RBMS2: variants seen among roughly 807,000 people sequenced by gnomAD.
RBMS2 encodes the protein RNA binding motif single stranded interacting protein 2.
RBMS2 carries 38 observed loss-of-function variants against 58.4 expected under a neutral mutation model. The ratio of observed to expected loss-of-function variants is 0.65; its 90% CI spans 0.50 to 0.85. The LOEUF (loss-of-function observed/expected upper bound fraction) is 0.85, where lower values mean the gene tolerates loss of function less well. RBMS2 is among the 40% of genes least tolerant of loss of function. The pLI, the probability that RBMS2 is intolerant of heterozygous loss-of-function variation, is 0.00. For synonymous variants in RBMS2, 151 were observed against 180.7 expected (o/e 0.84, Z 1.32); for missense variants, 367 against 503.7 (o/e 0.73, Z 2.60).
chr12:56,534,138 T>G (rs1308099330), intron 1 of RBMS2, among the ~76,000 whole-genome samples: 1 of 152,158 alleles, frequency 6.6e-6, no homozygotes, highest in African/African-American at 2.4e-5. Context: ...TTTTTTTACC[T>G]TCAGTTTTGT....
At chr12:56,578,386 C>G (rs1271010426) in intron 5 of RBMS2, among the ~76,000 whole-genome samples, 1 of 152,060 alleles carries the variant, frequency 6.6e-6, no homozygotes. Flanking sequence ...AACTCGGTTT[C>G]CCAAAGTGCT....
chr12:56,536,724 T>C (rs963425672), intron 1 of RBMS2, among the ~76,000 whole-genome samples: 1 of 150,706 alleles, frequency 6.6e-6, no homozygotes, highest in African/African-American at 2.4e-5. Flanking sequence ...TTTGCCACCA[T>C]GCCTGGCTAA....
chr12:56,559,444 C>T (rs1879942376), intron 1 of RBMS2, among the ~76,000 whole-genome samples: 1 of 151,428 alleles, frequency 6.6e-6, no homozygotes, highest in Admixed American at 6.6e-5. Context: ...CCTCGGCCTC[C>T]CAAAGTGCTG....
At position 56,588,390 on chromosome 12, in the gene RBMS2, T is replaced by C. The variant is rs757958699; in HGVS notation, c.1143+16T>C. 4.4e-6 allele frequency: 7 copies of C among 1,596,496 alleles called. No homozygotes were observed. The highest frequency in any genetic ancestry group is 5.2e-6 in the Non-Finnish European group (6 of 1,164,440). Reference sequence around the variant, plus strand: ...TTCAGTCGAGGTAAGGGTGTTATCATTTCTTTGGATTGAGATTAGGAAAAT... The same window carrying C: ...TTCAGTCGAGGTAAGGGTGTTATCACTTCTTTGGATTGAGATTAGGAAAAT... On this transcript the variant is annotated intron_variant, in intron 12 of 13. Coordinates refer to ENST00000262031, the MANE Select transcript of RBMS2 (RefSeq NM_002898.4).
At chr12:56,582,913 G>A (rs1205183948) in intron 9 of RBMS2, among the ~76,000 whole-genome samples, 5 of 152,024 alleles carry the variant, frequency 3.3e-5, no homozygotes, top group South Asian at 2.1e-4. Flanking sequence ...CAGGTGATCC[G>A]CCCGCCTCGG....
rs925964532 is a variant in RBMS2 at position 56,526,616 on chromosome 12, GTTTTTT to G, written c.66+4535_66+4540del. On this transcript the variant is annotated intron_variant, in intron 1 of 13. Coordinates refer to ENST00000262031, the MANE Select transcript of RBMS2 (RefSeq NM_002898.4). Reference sequence around the variant, plus strand: ...GAGGGATTCTGCAAGATAATTTTGTGTTTTTTTTTTTTTAAACATCAGTTTTAATGC... The same window carrying G: ...GAGGGATTCTGCAAGATAATTTTGTGTTTTTTTAAACATCAGTTTTAATGC... 4.1e-4 allele frequency among the ~76,000 whole-genome samples: 40 copies of G among 97,380 alleles called. 2 individuals carry two copies. In the South Asian group the frequency reaches 6.1e-3, roughly 15 times the overall value. The allele number at this position is 97,380 out of a possible 152,430, so 63.9% of individuals were successfully genotyped here.
intron 1 of RBMS2, among the ~76,000 whole-genome samples, chr12:56,538,576 G>C (rs2939308): frequency 6.7e-6 from 1 of 149,504 alleles, no homozygotes; most frequent in East Asian, 2.0e-4. Context: ...TCCGCCTCCC[G>C]GGTACAAGCA....
rs1335115507 is a variant in RBMS2, at chr12:56,587,678, T to C, written c.1062+14T>C. On this transcript the variant is annotated intron_variant, in intron 11 of 13. Transcript: ENST00000262031. ...AGCACAGGCACGGTAAAGCAGGATATTTCTGATTGTAAACTCTCCTACTGA... is the reference window on the plus strand; with the variant it reads ...AGCACAGGCACGGTAAAGCAGGATACTTCTGATTGTAAACTCTCCTACTGA... 1 of 1,610,990 alleles carries C rather than the reference T, an allele frequency of 6.2e-7. No individual in the cohort carries two copies. The highest frequency in any genetic ancestry group is 8.5e-7 in the Non-Finnish European group (1 of 1,177,826).
chr12:56,534,981 G>A (rs962420153), intron 1 of RBMS2, among the ~76,000 whole-genome samples: 5 of 152,000 alleles, frequency 3.3e-5, no homozygotes, highest in Non-Finnish European at 5.9e-5. Flanking sequence ...TTAACCTATC[G>A]ACAACACTTG....
At chr12:56,571,555 C>A in intron 4 of RBMS2, 143 bp from the exon 5 acceptor site, 1 of 827,598 alleles carries the variant, frequency 1.2e-6, no homozygotes, top group Non-Finnish European at 1.8e-6. Context: ...GGTAGTGGGA[C>A]TGGGTGTTAA....
intron 1 of RBMS2, among the ~76,000 whole-genome samples, chr12:56,538,196 C>A (rs557396815): frequency 6.6e-6 from 1 of 151,834 alleles, no homozygotes; most frequent in South Asian, 2.1e-4. Context: ...CCATGCCCAG[C>A]TAATTTTTGT....
At chr12:56,537,125 T>C (rs564192909) in intron 1 of RBMS2, among the ~76,000 whole-genome samples, 1 of 152,180 alleles carries the variant, frequency 6.6e-6, no homozygotes, top group South Asian at 2.1e-4. Flanking sequence ...TTCACCAGGT[T>C]GGTCAGGCTG....
chr12:56,584,387 G>A (rs4759253), intron 9 of RBMS2, among the ~76,000 whole-genome samples: 101,607 of 150,378 alleles, frequency 0.68, 37,144 homozygotes, highest in East Asian at 0.83. Flanking sequence ...AGCTGTGATC[G>A]CGCCACTGTA....
At chr12:56,572,762 A>G in intron 5 of RBMS2, 1 of 984,670 alleles carries the variant, frequency 1.0e-6, no homozygotes, top group Non-Finnish European at 1.2e-6. Flanking sequence ...CAGTAGGATG[A>G]GGTAGAAGTT....
chr12:56,554,082 C>A (rs1016368238), intron 1 of RBMS2, among the ~76,000 whole-genome samples: 1 of 152,166 alleles, frequency 6.6e-6, no homozygotes, highest in African/African-American at 2.4e-5. Flanking sequence ...ACCTTGACCT[C>A]CCAAAATGCT....
At position 56,590,471 on chromosome 12, in the gene RBMS2, C is replaced by T. The variant is rs1885224585; in HGVS notation, c.*1338C>T. Reference sequence around the variant, plus strand: ...ATCCTACACTGCATAGGATAGTCCCCACTACCCCCAGCCAAGAATTATCTG... The same window carrying T: ...ATCCTACACTGCATAGGATAGTCCCTACTACCCCCAGCCAAGAATTATCTG... On this transcript the variant is annotated 3_prime_UTR_variant, in exon 14 of 14. Coordinates refer to ENST00000262031, the MANE Select transcript of RBMS2 (RefSeq NM_002898.4). 1 of 152,354 alleles carries T rather than the reference C, an allele frequency of 6.6e-6. No individual in the cohort carries two copies. The highest frequency in any genetic ancestry group is 1.5e-5 in the Non-Finnish European group (1 of 68,176). The allele number at this position is 152,354 out of a possible 1,614,324, so 9.4% of individuals were successfully genotyped here.
intron 5 of RBMS2, 117 bp downstream of exon 5, chr12:56,571,972 A>G: frequency 9.0e-7 from 1 of 1,107,060 alleles, no homozygotes; most frequent in Non-Finnish European, 1.2e-6. Flanking sequence ...ACTATTATTC[A>G]AAAATACTTG....
chr12:56,575,081 G>A (rs926588538), intron 5 of RBMS2, among the ~76,000 whole-genome samples: 1 of 151,964 alleles, frequency 6.6e-6, no homozygotes, highest in East Asian at 1.9e-4. Flanking sequence ...CCCGGGAGGC[G>A]GAGCTTGCAG....
Position 56,571,605 on chromosome 12 carries a change from A to G in RBMS2, c.385-93A>G, listed in dbSNP as rs999748341. The G allele has an allele frequency of 3.0e-6, 4 of 1,337,884 alleles. No homozygotes were observed. In the African/African-American group the frequency reaches 6.0e-5, roughly 20 times the overall value. The allele number at this position is 1,337,884 out of a possible 1,614,324, so 82.9% of individuals were successfully genotyped here. A position where few individuals can be genotyped will look rare whatever the true frequency, so the allele number is the denominator to read the frequency against. On this transcript the variant is annotated intron_variant, in intron 4 of 13. Transcript: ENST00000262031. ...TTTGTTTATGTGGGACCCTTCCTAT[A>G]GTCTCTTTTCTGAAATGTCATTTGT...
Sources: gnomAD v4.1 joint callset for allele counts (sites outside exome capture counted in the v4.1 genomes callset) on GRCh38, gnomAD v4.1.1 for gene constraint, MANE v1.5 for transcripts, NCBI Gene and HGNC (gene_info 2026-07-23, HGNC 2026-07-21) for gene names.